ZC3H12C: variants seen among roughly 807,000 people sequenced by gnomAD.
The protein encoded by ZC3H12C is probable ribonuclease ZC3H12C.
Under a neutral mutation model 76.3 loss-of-function variants are expected in ZC3H12C, and 20 were observed. The observed-to-expected ratio is 0.26, with a 90% CI of 0.18 to 0.38. The LOEUF (loss-of-function observed/expected upper bound fraction) is 0.38. Among genes scored for constraint, ZC3H12C ranks in the 10% least tolerant of loss-of-function variants. The probability of loss-of-function intolerance (pLI) is 1.00; values close to 1 mark genes in which losing one functional copy is unlikely to be tolerated. For missense variants in ZC3H12C, 874 were observed against 1,086.5 expected (o/e 0.80, Z 2.75); for synonymous variants, 352 against 399.6 (o/e 0.88, Z 1.42).
intron 1 of ZC3H12C, among the ~76,000 whole-genome samples, chr11:110,106,668 ATG>A (rs1263673133): frequency 6.6e-6 from 1 of 152,150 alleles, no homozygotes; most frequent in Non-Finnish European, 1.5e-5. Flanking sequence ...TTTATTATGA[ATG>A]TGATTCTCCT....
At chr11:110,094,925 A>C (rs951708611) in intron 1 of ZC3H12C, among the ~76,000 whole-genome samples, 20 of 152,234 alleles carry the variant, frequency 1.3e-4, no homozygotes, top group African/African-American at 4.8e-4. Context: ...ACAAGATTCT[A>C]CTTCTAGTAT....
chr11:110,131,123 C>G (rs1861858052), intron 1 of ZC3H12C: 2 of 1,511,768 alleles, frequency 1.3e-6, no homozygotes, highest in East Asian at 4.9e-5. Flanking sequence ...ATTTGTGCTA[C>G]TTTAATGCCT....
chr11:110,115,354 G>A (rs1861506236), intron 1 of ZC3H12C, among the ~76,000 whole-genome samples: 1 of 152,036 alleles, frequency 6.6e-6, no homozygotes, highest in Non-Finnish European at 1.5e-5. Flanking sequence ...CCAGGCTAGA[G>A]TGCAGTGGCG....
At chr11:110,117,809 C>CACATATATATATT (rs1861562596) in intron 1 of ZC3H12C, among the ~76,000 whole-genome samples, 1 of 125,358 alleles carries the variant, frequency 8.0e-6, no homozygotes, top group Admixed American at 8.8e-5. Flanking sequence ...TATATACACA[C>CACATATATATATT]ATATATATAC....
At chr11:110,120,459 A>T (rs532718794) in intron 1 of ZC3H12C, among the ~76,000 whole-genome samples, 1 of 152,294 alleles carries the variant, frequency 6.6e-6, no homozygotes, top group African/African-American at 2.4e-5. Flanking sequence ...AAATTCACCA[A>T]CAAAACACAA....
rs552261883 is a variant in ZC3H12C at position 110,168,575 on chromosome 11, G to C, written c.*2838G>C. On this transcript the variant is annotated 3_prime_UTR_variant, in exon 6 of 6. Coordinates refer to ENST00000278590, the MANE Select transcript of ZC3H12C (RefSeq NM_033390.2). The stretch of plus-strand genomic sequence containing the variant: ...AGTTGCCAGAAATGGTCAACTGATC[G>C]GAAAAAAAAGGATTCAGACTGGAGT... 2 of 151,836 alleles carry C rather than the reference G, an allele frequency of 1.3e-5. No homozygotes were observed. The highest frequency in any genetic ancestry group is 6.6e-5 in the Admixed American group (1 of 15,254). 9.4% of individuals were successfully genotyped at this position (151,836 alleles called of 1,614,324 possible).
intron 1 of ZC3H12C, among the ~76,000 whole-genome samples, chr11:110,128,889 CAAAA>C (rs145436449): frequency 1.5e-4 from 14 of 94,148 alleles, no homozygotes; most frequent in African/African-American, 4.8e-4. Flanking sequence ...CCACCACTAA[CAAAA>C]AAAAAAAAAA....
chr11:110,134,346 C>A (rs1039329608), intron 1 of ZC3H12C, among the ~76,000 whole-genome samples: 3 of 152,060 alleles, frequency 2.0e-5, no homozygotes. Context: ...TTCATGATGG[C>A]ATGTTAAAGG....
At position 110,165,631 on chromosome 11, in the gene ZC3H12C, TC is replaced by T; in HGVS notation, c.2552del (p.Pro851LeufsTer4). The part of the protein sequence containing the change: ...EKIYINLCNI[F>X]PPDLVRIVMK... Reference sequence around the variant, plus strand: ...ATTTATATCAATTTGTGCAACATCTTCCCCCCTGACCTTGTGAGAATTGTCA... The same window carrying T: ...ATTTATATCAATTTGTGCAACATCTTCCCCCTGACCTTGTGAGAATTGTCA... On this transcript the variant is annotated frameshift_variant, in exon 6 of 6. Transcript: ENST00000278590. LOFTEE classifies it high-confidence loss of function. The T allele has an allele frequency of 6.3e-7, 1 of 1,599,502 alleles. No homozygotes were observed. Among genetic ancestry groups the T allele is most frequent in the Non-Finnish European group, 8.5e-7 (1 of 1,172,754 alleles).
chr11:110,135,228 A>G (rs1591474550), intron 1 of ZC3H12C, among the ~76,000 whole-genome samples: 1 of 152,080 alleles, frequency 6.6e-6, no homozygotes, highest in South Asian at 2.1e-4. Context: ...GGTGGCTCAC[A>G]CCTGTAATCC....
intron 1 of ZC3H12C, among the ~76,000 whole-genome samples, chr11:110,131,895 A>G (rs963299400): frequency 3.3e-5 from 5 of 152,212 alleles, no homozygotes; most frequent in African/African-American, 4.8e-5. Context: ...GCAGGCCACC[A>G]GTTGCTGGTC....
At chr11:110,133,979 C>T (rs1861910867) in intron 1 of ZC3H12C, among the ~76,000 whole-genome samples, 1 of 152,038 alleles carries the variant, frequency 6.6e-6, no homozygotes, top group African/African-American at 2.4e-5. Flanking sequence ...ATAAGGTATT[C>T]ATCTTGTCTG....
chr11:110,109,636 T>A (rs1861393039), intron 1 of ZC3H12C, among the ~76,000 whole-genome samples: 1 of 152,196 alleles, frequency 6.6e-6, no homozygotes, highest in South Asian at 2.1e-4. Context: ...CTTTATTTGG[T>A]TTGTCTGCTC....
In ZC3H12C at chr11:110,165,399, G is replaced by A. The variant is rs922377849; in HGVS notation, c.2314G>A (p.Glu772Lys). 1.9e-6 allele frequency: 3 copies of A among 1,613,990 alleles called. No homozygotes were observed. In the South Asian group the frequency reaches 3.3e-5, roughly 18 times the overall value. ...SRQRKPYSRQ[E>K]GLGSWERPGY... is the part of the protein sequence containing the mutation. ...ACAAAGAAAGCCTTATTCCCGCCAG[G>A]AAGGCCTGGGAAGCTGGGAGAGGCC... Residue 772 changes from glutamate to lysine, a missense_variant, in exon 6 of 6, where the codon GAA becomes AAA. Physicochemically the swap from Glu to Lys is moderately conservative, Grantham distance 56 (BLOSUM62 1). Around this residue, in one of 3 missense-constraint regions of ZC3H12C, gnomAD observed 395 missense variants for 434.4 expected, o/e 0.91. Transcript: ENST00000278590.
Position 110,093,563 on chromosome 11 carries a change from C to A in ZC3H12C, c.21+131C>A, listed in dbSNP as rs927163681. ...GGGCGCCGGGGCCGCAGCGACCTCG[C>A]CGTGTGATCTCCAGGCCCAGGCGGG... On this transcript the variant is annotated intron_variant, in intron 1 of 5. Transcript: ENST00000278590. The A allele has an allele frequency of 2.2e-5, 13 of 600,216 alleles. 1 individual carries two copies. The highest frequency in any genetic ancestry group is 2.9e-5 in the Non-Finnish European group (13 of 441,674). The allele number at this position is 600,216 out of a possible 1,614,324, so 37.2% of individuals were successfully genotyped here. A position where few individuals can be genotyped will look rare whatever the true frequency, so the allele number is the denominator to read the frequency against.
intron 1 of ZC3H12C, among the ~76,000 whole-genome samples, chr11:110,104,377 A>G (rs1212568121): frequency 6.6e-6 from 1 of 152,088 alleles, no homozygotes; most frequent in Non-Finnish European, 1.5e-5. Context: ...ACCAATTTAT[A>G]TGGATTCATG....
intron 1 of ZC3H12C, among the ~76,000 whole-genome samples, chr11:110,129,076 T>C (rs1282399681): frequency 6.6e-6 from 1 of 152,136 alleles, no homozygotes; most frequent in African/African-American, 2.4e-5. Flanking sequence ...CCTTAACTAT[T>C]TCAGTAATAT....
At chr11:110,158,180 A>G (rs543812956) in intron 3 of ZC3H12C, among the ~76,000 whole-genome samples, 2 of 152,290 alleles carry the variant, frequency 1.3e-5, no homozygotes, top group Admixed American at 6.5e-5. Context: ...TTTTTAAATC[A>G]CAAAACAAGT....
chr11:110,095,149 A>G (rs1054408056), intron 1 of ZC3H12C, among the ~76,000 whole-genome samples: 3 of 152,162 alleles, frequency 2.0e-5, no homozygotes, highest in African/African-American at 7.2e-5. Flanking sequence ...TCCTTTTACT[A>G]AATTTTTGTT....
Sources: allele counts gnomAD v4.1 joint callset (sites outside exome capture counted in the v4.1 genomes callset), GRCh38; gene constraint gnomAD v4.1.1; regional missense constraint gnomAD v4.1.1; transcripts MANE v1.5; gene names NCBI Gene and HGNC (gene_info 2026-07-23, HGNC 2026-07-21).